Variants in TBL1X observed in about 807,000 individuals in gnomAD.
The protein encoded by TBL1X is transducin beta like 1 X-linked, also known as F-box-like/WD repeat-containing protein TBL1X.
Under a neutral mutation model 50.7 loss-of-function variants are expected in TBL1X, and 10 were observed. The observed-to-expected ratio is 0.20, with a 90% CI of 0.12 to 0.33. The LOEUF (loss-of-function observed/expected upper bound fraction) is 0.33, where lower values mean the gene tolerates loss of function less well. TBL1X is among the 10% of genes least tolerant of loss of function. The pLI, the probability that TBL1X is intolerant of heterozygous loss-of-function variation, is 1.00. For synonymous variants in TBL1X, 190 were observed against 214.7 expected (o/e 0.88, Z 1.01); for missense variants, 340 against 504.4 (o/e 0.67, Z 3.12).
chrX:9,616,490 A>G, intron 2 of TBL1X, among the ~76,000 whole-genome samples: 1 of 112,047 alleles, frequency 8.9e-6, no homozygotes, highest in South Asian at 3.7e-4. Context: ...TGTAGAAATT[A>G]GAAAACATAA....
At chrX:9,498,048 CCTG>C (rs1341571379) in intron 1 of TBL1X, among the ~76,000 whole-genome samples, 2 of 109,744 alleles carry the variant, frequency 1.8e-5, no homozygotes, top group African/African-American at 6.6e-5. Flanking sequence ...TTTTCCCTTT[CCTG>C]CTATTTCCTC....
chrX:9,549,408 T>G (rs2082260306), intron 2 of TBL1X, among the ~76,000 whole-genome samples: 1 of 113,104 alleles, frequency 8.8e-6, no homozygotes, highest in Admixed American at 9.3e-5. Flanking sequence ...ATGAAAATGA[T>G]ATAAAATGAA....
At chrX:9,567,566 C>G (rs1044879787) in intron 2 of TBL1X, among the ~76,000 whole-genome samples, 1 of 111,860 alleles carries the variant, frequency 8.9e-6, no homozygotes, top group Admixed American at 9.4e-5. Flanking sequence ...CCACTCAAAC[C>G]GGTTGTCCAG....
chrX:9,596,677 C>T (rs753547333), intron 2 of TBL1X, among the ~76,000 whole-genome samples: 2 of 111,465 alleles, frequency 1.8e-5, no homozygotes, highest in South Asian at 3.9e-4. Context: ...CATAATCACC[C>T]CTAGTTGAAA....
At position 9,642,524 on chromosome X, in the gene TBL1X, A is replaced by C. The variant is rs2082781068; in HGVS notation, c.-43+2164A>C. Reference sequence around the variant, plus strand: ...CTGGTGATAGTGTTTTTTGTATCTCAGTCTTAAAGGGGTTGGTATGGTTAT... The same window carrying C: ...CTGGTGATAGTGTTTTTTGTATCTCCGTCTTAAAGGGGTTGGTATGGTTAT... On this transcript the variant is annotated intron_variant, in intron 3 of 17. Transcript: ENST00000645353. Among the ~76,000 whole-genome samples the C allele has an allele frequency of 1.8e-5, 2 of 111,532 alleles. 1 individual carries two copies. Among genetic ancestry groups the C allele is most frequent in the South Asian group, 7.6e-4 (2 of 2,634 alleles).
intron 3 of TBL1X, among the ~76,000 whole-genome samples, chrX:9,646,736 A>T (rs2082806752): frequency 8.9e-6 from 1 of 112,371 alleles, no homozygotes; most frequent in Non-Finnish European, 1.9e-5. Context: ...TCACTTTCTC[A>T]GGTGCCTTCA....
At position 9,503,075 on chromosome X, in the gene TBL1X, A is replaced by G. The variant is rs780855466; in HGVS notation, c.-131+1226A>G. ...TGGGAGGCTGCTATCAGAAAAGACC[A>G]TAATAAGCGTGTGAATCCTTCATCA... On this transcript the variant is annotated intron_variant, in intron 2 of 17. Transcript: ENST00000645353. Among the ~76,000 whole-genome samples the G allele has an allele frequency of 3.1e-4, 35 of 112,613 alleles. No homozygotes were observed. The East Asian group carries it at 9.2e-3, about 30-fold the overall frequency.
intron 12 of TBL1X, among the ~76,000 whole-genome samples, chrX:9,701,351 C>T (rs910737404): frequency 9.1e-6 from 1 of 109,437 alleles, no homozygotes. Context: ...ACAGAGGCCC[C>T]CAGTGTAGCT....
intron 2 of TBL1X, among the ~76,000 whole-genome samples, chrX:9,628,839 C>A (rs978604325): frequency 8.9e-6 from 1 of 112,260 alleles, no homozygotes; most frequent in Non-Finnish European, 1.9e-5. Context: ...TGAGGCACTG[C>A]GCCTGGCAGA....
intron 3 of TBL1X, among the ~76,000 whole-genome samples, chrX:9,650,375 A>G (rs934859107): frequency 8.9e-6 from 1 of 111,803 alleles, no homozygotes; most frequent in Non-Finnish European, 1.9e-5. Context: ...AAAAGAGGAA[A>G]GGAGCTAGGC....
At chrX:9,538,887 G>T (rs780373763) in intron 2 of TBL1X, among the ~76,000 whole-genome samples, 3 of 112,824 alleles carry the variant, frequency 2.7e-5, no homozygotes, top group Non-Finnish European at 5.6e-5. Flanking sequence ...GGAGAAGCCC[G>T]CTGGGGCCCC....
chrX:9,651,285 TC>T (rs1314882385), intron 3 of TBL1X, among the ~76,000 whole-genome samples: 1 of 111,915 alleles, frequency 8.9e-6, no homozygotes, highest in African/African-American at 3.2e-5. Context: ...GCTCAAGCGA[TC>T]CGCCTGCCTC....
intron 2 of TBL1X, among the ~76,000 whole-genome samples, chrX:9,621,017 C>T (rs189187264): frequency 2.6e-4 from 29 of 111,756 alleles, no homozygotes; most frequent in African/African-American, 5.9e-4. Flanking sequence ...CATGTGAGCA[C>T]GGAGTGGGAG....
At chrX:9,671,441 A>G (rs936285267) in intron 5 of TBL1X, among the ~76,000 whole-genome samples, 5 of 113,283 alleles carry the variant, frequency 4.4e-5, no homozygotes, top group Admixed American at 2.8e-4. Context: ...GAAGGAAAAT[A>G]GGAGAATACA....
rs185628328 is a variant in TBL1X, at chrX:9,652,579, G to A, written c.-42-966G>A. 1.2e-3 allele frequency among the ~76,000 whole-genome samples: 130 copies of A among 112,564 alleles called. 1 individual carries two copies. The highest frequency in any genetic ancestry group is 3.7e-3 in the African/African-American group (114 of 31,040). On this transcript the variant is annotated intron_variant, in intron 3 of 17. Coordinates refer to ENST00000645353, the MANE Select transcript of TBL1X (RefSeq NM_005647.4). ...AGCCTAAAGATGTTTAGTGCTGGCC[G>A]GGCGTGGCGGCTCACGCCTGAAATC... is the stretch of plus-strand genomic sequence containing the variant.
chrX:9,548,868 C>T (rs1235682443), intron 2 of TBL1X, among the ~76,000 whole-genome samples: 1 of 112,893 alleles, frequency 8.9e-6, no homozygotes, highest in Non-Finnish European at 1.9e-5. Flanking sequence ...TCTTGATACG[C>T]ACATTTATGT....
intron 5 of TBL1X, among the ~76,000 whole-genome samples, chrX:9,665,559 C>T (rs897694801): frequency 8.8e-4 from 57 of 64,767 alleles, no homozygotes; most frequent in Admixed American, 1.8e-3. Flanking sequence ...GGTGCTTTTT[C>T]GCTTCTTGGA....
Position 9,472,439 on chromosome X carries a change from CT to C in TBL1X, c.-201+7009del, listed in dbSNP as rs63196061. Among the ~76,000 whole-genome samples, 667 of 89,627 alleles carry C rather than the reference CT, an allele frequency of 7.4e-3. 4 individuals are homozygous for C. The highest frequency in any genetic ancestry group is 0.022 in the African/African-American group (518 of 23,795). 77.8% of individuals were successfully genotyped at this position (89,627 alleles called of 115,157 possible). A position where few individuals can be genotyped will look rare whatever the true frequency, so the allele number is the denominator to read the frequency against. On this transcript the variant is annotated intron_variant, in intron 1 of 17. Transcript: ENST00000645353. ...CATGTCCAGCTTTTTTTTTTTCTTT[CT>C]TTTTTTTTTTTTTTTTAATTTTCAA...
Position 9,699,156 on chromosome X carries a change from T to A in TBL1X, c.1114+1727T>A, listed in dbSNP as rs1003498243. On this transcript the variant is annotated intron_variant, in intron 12 of 17. Transcript: ENST00000645353. ...CCACCAAGCCCAGCTAATTTTTGTATTTTTAGTAGAAACGGGGTTTCGCCA... is the reference window on the plus strand; with the variant it reads ...CCACCAAGCCCAGCTAATTTTTGTAATTTTAGTAGAAACGGGGTTTCGCCA... Among the ~76,000 whole-genome samples, 4 of 111,455 alleles carry A rather than the reference T, an allele frequency of 3.6e-5. No homozygotes were observed. In the Admixed American group the frequency reaches 3.8e-4, roughly 11 times the overall value.
Sources: allele counts gnomAD v4.1 joint callset (sites outside exome capture counted in the v4.1 genomes callset), GRCh38; gene constraint gnomAD v4.1.1; transcripts MANE v1.5; gene names NCBI Gene and HGNC (gene_info 2026-07-23, HGNC 2026-07-21).